The following MND1 variants were observed in gnomAD, a reference collection of about 807,000 sequenced individuals.
MND1 encodes the protein meiotic nuclear division protein 1 homolog.
In MND1, 28 loss-of-function variants were observed where a neutral mutation model predicts 35.1. The ratio of observed to expected loss-of-function variants is 0.80; its 90% confidence interval spans 0.59 to 1.09. The LOEUF is 1.09. Ranked by LOEUF, MND1 falls within the 50% of genes least tolerant of loss-of-function variation. The probability of loss-of-function intolerance (pLI) is 0.00; values close to 1 mark genes in which losing one functional copy is unlikely to be tolerated. For synonymous variants in MND1, 69 were observed against 70.5 expected, an observed-to-expected ratio of 0.98 and a Z score of 0.11; for missense variants, 213 against 239.6, an observed-to-expected ratio of 0.89 and a Z score of 0.73.
intron 4 of MND1, among the ~76,000 whole-genome samples, chr4:153,372,183 A>G (rs1052805007): frequency 6.6e-6 from 1 of 152,114 alleles, no homozygotes; most frequent in Non-Finnish European, 1.5e-5. Context: ...GTTTAATGCA[A>G]GAATTACACA....
At chr4:153,370,394 A>C (rs564850671) in intron 4 of MND1, among the ~76,000 whole-genome samples, 85 of 152,158 alleles carry the variant, frequency 5.6e-4, no homozygotes, top group Non-Finnish European at 1.0e-3. Context: ...CATTTCCACC[A>C]CATCAGTTAC....
chr4:153,396,319 G>T (rs971914151), intron 5 of MND1, among the ~76,000 whole-genome samples: 2 of 152,232 alleles, frequency 1.3e-5, no homozygotes, highest in Admixed American at 6.5e-5. Flanking sequence ...GCTTCTGAGC[G>T]TGCTGCTCTG....
chr4:153,345,958 A>T (rs1561051416), intron 1 of MND1, among the ~76,000 whole-genome samples: 1 of 152,046 alleles, frequency 6.6e-6, no homozygotes, highest in Non-Finnish European at 1.5e-5. Context: ...CCTTTTACCT[A>T]ATCTATCTCT....
chr4:153,344,746 G>C lies in MND1; in HGVS notation c.3+6G>C. 1 of 1,601,136 alleles carries C rather than the reference G, an allele frequency of 6.2e-7. No individual in the cohort carries two copies. The highest frequency in any genetic ancestry group is 2.3e-5 in the East Asian group (1 of 43,742). ...GCCCCTGCGCCCGCGCCATGGTAAG[G>C]ACTGAGGCTACGGTCCCGCGTCTTC... On this transcript the variant is annotated splice_donor_region_variant and intron_variant, in intron 1 of 7. Transcript: ENST00000240488.
At chr4:153,379,105 G>A (rs911073303) in intron 4 of MND1, among the ~76,000 whole-genome samples, 6 of 151,824 alleles carry the variant, frequency 4.0e-5, no homozygotes, top group African/African-American at 1.2e-4. Context: ...TGGCTAACAC[G>A]GTGAAACCCC....
Position 153,388,795 on chromosome 4 carries a change from C to T in MND1, c.277-5467C>T, listed in dbSNP as rs965842793. Among the ~76,000 whole-genome samples, 9 of 152,254 alleles carry T rather than the reference C, an allele frequency of 5.9e-5. No homozygotes were observed. In the East Asian group the frequency reaches 1.2e-3, roughly 20 times the overall value. On this transcript the variant is annotated intron_variant, in intron 4 of 7. Coordinates refer to ENST00000240488, the MANE Select transcript of MND1 (RefSeq NM_032117.4). ...GTGTTACAGCTTGTACTGCCATTGG[C>T]GGTTCCCGAGCTCTTATTCTGCTTC...
intron 4 of MND1, among the ~76,000 whole-genome samples, chr4:153,387,129 CTTAGAT>C (rs1282679818): frequency 1.3e-5 from 2 of 152,072 alleles, no homozygotes; most frequent in Non-Finnish European, 2.9e-5. Context: ...ATAACCATTG[CTTAGAT>C]TTAGTGCATT....
intron 6 of MND1, among the ~76,000 whole-genome samples, chr4:153,405,410 C>G (rs1375914818): frequency 6.6e-6 from 1 of 151,962 alleles, no homozygotes; most frequent in Non-Finnish European, 1.5e-5. Flanking sequence ...GTGGTGGGTG[C>G]CTGTAGTCCC....
At chr4:153,362,834 T>C (rs1229187081) in intron 4 of MND1, among the ~76,000 whole-genome samples, 2 of 152,134 alleles carry the variant, frequency 1.3e-5, no homozygotes, top group Non-Finnish European at 2.9e-5. Context: ...TTTTTTTTAG[T>C]CTCTGGGTAC....
At chr4:153,396,464 C>A (rs1263037436) in intron 5 of MND1, among the ~76,000 whole-genome samples, 1 of 152,190 alleles carries the variant, frequency 6.6e-6, no homozygotes, top group Non-Finnish European at 1.5e-5. Flanking sequence ...TCGTGTTAGG[C>A]AGTTTGAACT....
chr4:153,405,169 C>T (rs1729459643), intron 6 of MND1, among the ~76,000 whole-genome samples: 1 of 152,052 alleles, frequency 6.6e-6, no homozygotes, highest in African/African-American at 2.4e-5. Flanking sequence ...GCAAGAGATC[C>T]AGAATAGTCA....
At chr4:153,357,986 G>A (rs771618741) in intron 3 of MND1, among the ~76,000 whole-genome samples, 3 of 152,124 alleles carry the variant, frequency 2.0e-5, no homozygotes, top group Non-Finnish European at 4.4e-5. Context: ...ACTGATGCTA[G>A]CATCTTCTAT....
rs527270247 is a variant in MND1 at position 153,392,942 on chromosome 4, A to C, written c.277-1320A>C. On this transcript the variant is annotated intron_variant, in intron 4 of 7. Coordinates refer to ENST00000240488, the MANE Select transcript of MND1 (RefSeq NM_032117.4). The stretch of plus-strand genomic sequence containing the variant: ...CAAGACCAGCCTGGGCAACATGGCG[A>C]AACTCCAGCTCTAGAAAAAATTATT... Among the ~76,000 whole-genome samples, 9 of 152,230 alleles carry C rather than the reference A, an allele frequency of 5.9e-5. No individual in the cohort carries two copies. The South Asian group carries it at 1.9e-3, about 32-fold the overall frequency.
chr4:153,381,939 G>A (rs901198022), intron 4 of MND1: 12 of 151,228 alleles, frequency 7.9e-5, no homozygotes, highest in African/African-American at 2.9e-4. Context: ...GCACACAACA[G>A]CCTAGAACTC....
intron 4 of MND1, among the ~76,000 whole-genome samples, chr4:153,379,040 G>A (rs1728589443): frequency 6.6e-6 from 1 of 152,096 alleles, no homozygotes; most frequent in African/African-American, 2.4e-5. Context: ...TGTAATCCCA[G>A]CACTTTGGGA....
chr4:153,397,412 T>C (rs1729228291), intron 6 of MND1, 79 bp downstream of exon 6: 6 of 969,438 alleles, frequency 6.2e-6, no homozygotes, highest in Non-Finnish European at 1.6e-6. Context: ...CTGCTAACTA[T>C]TCTCCATGTA....
chr4:153,347,221 A>G (rs984415899), intron 1 of MND1, among the ~76,000 whole-genome samples: 2 of 152,180 alleles, frequency 1.3e-5, no homozygotes, highest in African/African-American at 4.8e-5. Flanking sequence ...TTTGTCAGAT[A>G]CTGCAGAGGT....
chr4:153,355,551 T>A (rs1349632867), intron 2 of MND1, 103 bp from the exon 3 acceptor site: 3 of 682,736 alleles, frequency 4.4e-6, no homozygotes, highest in Non-Finnish European at 7.8e-6. Context: ...CCTGTAAATG[T>A]ATACAACTAT....
Position 153,346,858 on chromosome 4 carries a change from G to A in MND1, c.3+2118G>A, listed in dbSNP as rs750221035. On this transcript the variant is annotated intron_variant, in intron 1 of 7. Transcript: ENST00000240488. ...TTAGGAGTCTTTCCTAACACTTCAG[G>A]ATCTGCTTTCTGCTAGTGCAGCGAC... Among the ~76,000 whole-genome samples the A allele has an allele frequency of 4.1e-4, 63 of 152,116 alleles. 1 individual carries two copies. The highest frequency in any genetic ancestry group is 7.2e-4 in the Non-Finnish European group (49 of 68,028).
Sources: gnomAD v4.1 joint callset for allele counts (sites outside exome capture counted in the v4.1 genomes callset) on GRCh38, gnomAD v4.1.1 for gene constraint, MANE v1.5 for transcripts, NCBI Gene and HGNC (gene_info 2026-07-23, HGNC 2026-07-21) for gene names.